CYTH3: variants seen among roughly 807,000 people sequenced by gnomAD.
CYTH3 encodes cytohesin 3.
Under a neutral mutation model 55.1 loss-of-function variants are expected in CYTH3, and 23 were observed. That is an observed-to-expected ratio of 0.42 (90% CI 0.30 to 0.59). The LOEUF (loss-of-function observed/expected upper bound fraction) is 0.59. CYTH3 is among the 20% of genes least tolerant of loss of function. CYTH3 has a pLI of 0.20. For missense variants in CYTH3, 413 were observed against 524.8 expected, an observed-to-expected ratio of 0.79 and a Z score of 2.08; for synonymous variants, 249 against 194.9, an observed-to-expected ratio of 1.28 and a Z score of -2.31.
rs1783048317 is a variant in CYTH3 at position 6,167,515 on chromosome 7, T to TGGTGCCA, written c.824-1712_824-1706dup. ...AGAGCAGGCCCCGCTCCAGCTGCAC[T>TGGTGCCA]GGTGCCAGCTGCCATCCCCCAAACA... is the stretch of plus-strand genomic sequence containing the variant. On this transcript the variant is annotated intron_variant, in intron 9 of 12. Transcript: ENST00000350796. This position sits in a 1 kb window ranked among gnomAD's most constrained non-coding sequence, Gnocchi z 5.5. Among the ~76,000 whole-genome samples, 2 of 152,260 alleles carry TGGTGCCA rather than the reference T, an allele frequency of 1.3e-5. No individual in the cohort carries two copies. The highest frequency in any genetic ancestry group is 4.8e-5 in the African/African-American group (2 of 41,480).
chr7:6,236,768 G>C (rs1362118846), intron 1 of CYTH3, among the ~76,000 whole-genome samples: 1 of 151,970 alleles, frequency 6.6e-6, no homozygotes, highest in Non-Finnish European at 1.5e-5. Flanking sequence ...TCACCATGTT[G>C]GCTAGGCTGG....
At position 6,166,474 on chromosome 7, in the gene CYTH3, T is replaced by C. The variant is rs930283230; in HGVS notation, c.824-664A>G. ...AAGTGCTCCCTGGGGTACTAGGCCC[T>C]CTCTGCCCCATGCCTCTCCAGCGCT... On this transcript the variant is annotated intron_variant, in intron 9 of 12. Coordinates refer to ENST00000350796, the MANE Select transcript of CYTH3 (RefSeq NM_004227.4). 2.6e-5 allele frequency among the ~76,000 whole-genome samples: 4 copies of C among 152,186 alleles called. No homozygotes were observed. The East Asian group carries it at 7.7e-4, about 29-fold the overall frequency.
At position 6,207,952 on chromosome 7, in the gene CYTH3, G is replaced by C. The variant is rs554110100; in HGVS notation, c.35-17421C>G. On this transcript the variant is annotated intron_variant, in intron 1 of 12. Transcript: ENST00000350796. ...GTGACAGAGCCAGACCCTGTCTTGG[G>C]GGGGTGGGGGGAAAGGTGTTAGAAG... Among the ~76,000 whole-genome samples the C allele has an allele frequency of 4.6e-5, 7 of 152,162 alleles. No individual in the cohort carries two copies. The South Asian group carries it at 6.2e-4, about 14-fold the overall frequency.
rs1034039429 is a variant in CYTH3, at chr7:6,164,066, A to T, written c.*878T>A. ...CCAAACCATTAACTGTTATAATTTT[A>T]ATGATTTGCTTAAAGTATTTGTGGG... On this transcript the variant is annotated 3_prime_UTR_variant, in exon 13 of 13. Transcript: ENST00000350796. The T allele has an allele frequency of 1.3e-5, 2 of 152,210 alleles. No individual in the cohort carries two copies. Among genetic ancestry groups the T allele is most frequent in the African/African-American group, 4.8e-5 (2 of 41,452 alleles). The allele number at this position is 152,210 out of a possible 1,614,324, so 9.4% of individuals were successfully genotyped here.
At chr7:6,196,724 G>T (rs1783942700) in intron 1 of CYTH3, among the ~76,000 whole-genome samples, 1 of 152,116 alleles carries the variant, frequency 6.6e-6, no homozygotes, top group African/African-American at 2.4e-5. Flanking sequence ...GCCTCTCAAA[G>T]TGCTGGGATT....
At chr7:6,191,597 T>C (rs1783806307) in intron 1 of CYTH3, among the ~76,000 whole-genome samples, 1 of 148,146 alleles carries the variant, frequency 6.8e-6, no homozygotes, top group Admixed American at 6.7e-5. Context: ...AGGACTTTTT[T>C]TTTTTTTTTT....
chr7:6,164,623 G>C lies in CYTH3; in HGVS notation c.*321C>G. 1 of 386,224 alleles carries C rather than the reference G, an allele frequency of 2.6e-6. No individual in the cohort carries two copies. 23.9% of individuals were successfully genotyped at this position (386,224 alleles called of 1,614,324 possible). On this transcript the variant is annotated 3_prime_UTR_variant, in exon 13 of 13. Coordinates refer to ENST00000350796, the MANE Select transcript of CYTH3 (RefSeq NM_004227.4). Reference sequence around the variant, plus strand: ...CTGCTGTCCTGGCTTCTCCCCCTAGGGGCGCCGGGATGGTCGCAGGAAGGA... The same window carrying C: ...CTGCTGTCCTGGCTTCTCCCCCTAGCGGCGCCGGGATGGTCGCAGGAAGGA...
Position 6,259,828 on chromosome 7 carries a change from ATATATTTTT to A in CYTH3, c.34+12637_34+12645del, listed in dbSNP as rs1210243997. On this transcript the variant is annotated intron_variant, in intron 1 of 12. Coordinates refer to ENST00000350796, the MANE Select transcript of CYTH3 (RefSeq NM_004227.4). ...ATATATATATAATATATATATATAT[ATATATTTTT>A]TTTTTTTTTTAAGACGGATTTTCGC... is the stretch of plus-strand genomic sequence containing the variant. 3.5e-4 allele frequency among the ~76,000 whole-genome samples: 8 copies of A among 22,890 alleles called. 1 individual carries two copies. Among genetic ancestry groups the A allele is most frequent in the African/African-American group, 2.3e-3 (7 of 3,094 alleles). 15.0% of individuals were successfully genotyped at this position (22,890 alleles called of 152,430 possible).
intron 4 of CYTH3, among the ~76,000 whole-genome samples, chr7:6,185,513 A>G (rs527610402): frequency 4.5e-4 from 68 of 152,136 alleles, no homozygotes; most frequent in Admixed American, 1.7e-3. Context: ...TAGCTAACAC[A>G]GTGAAACCCC....
chr7:6,175,056 T>C (rs1783308673), intron 5 of CYTH3, among the ~76,000 whole-genome samples: 1 of 152,240 alleles, frequency 6.6e-6, no homozygotes, highest in Non-Finnish European at 1.5e-5. Flanking sequence ...GTATGATAAC[T>C]GGTCCTTATA....
intron 1 of CYTH3, 54 bp downstream of exon 1, chr7:6,272,420 C>A: frequency 1.3e-6 from 1 of 765,782 alleles, no homozygotes. Context: ...GACCCCCAGC[C>A]CCCGGCCCCC....
chr7:6,169,840 C>A lies in CYTH3; in HGVS notation c.823+695G>T, dbSNP rs1010346571. Reference sequence around the variant, plus strand: ...CTACTGCTGCGGACCCCTAGAGACACAGGGTGGGGGGCAAGTTGGTTCCCA... The same window carrying A: ...CTACTGCTGCGGACCCCTAGAGACAAAGGGTGGGGGGCAAGTTGGTTCCCA... On this transcript the variant is annotated intron_variant, in intron 9 of 12. Coordinates refer to ENST00000350796, the MANE Select transcript of CYTH3 (RefSeq NM_004227.4). This position sits in a 1 kb window ranked among gnomAD's most constrained non-coding sequence, Gnocchi z 4.1. Among the ~76,000 whole-genome samples, 1 of 152,138 alleles carries A rather than the reference C, an allele frequency of 6.6e-6. No homozygotes were observed. The highest frequency in any genetic ancestry group is 2.4e-5 in the African/African-American group (1 of 41,414).
In CYTH3 at chr7:6,171,173, A is replaced by AG; in HGVS notation, c.562+28dup. On this transcript the variant is annotated intron_variant, in intron 7 of 12. Coordinates refer to ENST00000350796, the MANE Select transcript of CYTH3 (RefSeq NM_004227.4). The surrounding 1 kb of genome is among the most constrained non-coding windows in gnomAD (Gnocchi z 6.7). The stretch of plus-strand genomic sequence containing the variant: ...CCAGAGCTGGAGGCTGTGCCTGGCA[A>AG]GGGGCCAGGCTGTGGGCTCTGCACT... 1 of 1,608,448 alleles carries AG rather than the reference A, an allele frequency of 6.2e-7. No individual in the cohort carries two copies.
chr7:6,244,653 G>T (rs750979781), intron 1 of CYTH3, among the ~76,000 whole-genome samples: 1 of 151,696 alleles, frequency 6.6e-6, no homozygotes, highest in Non-Finnish European at 1.5e-5. Flanking sequence ...TAAAGATGGG[G>T]TCTCACTACA....
intron 1 of CYTH3, among the ~76,000 whole-genome samples, chr7:6,209,310 C>T (rs1455137148): frequency 6.6e-6 from 1 of 152,094 alleles, no homozygotes; most frequent in Non-Finnish European, 1.5e-5. Context: ...CAAAACAAAT[C>T]AAAACAAAAA....
chr7:6,181,214 A>G (rs1245589408), intron 4 of CYTH3, among the ~76,000 whole-genome samples: 1 of 152,174 alleles, frequency 6.6e-6, no homozygotes, highest in Non-Finnish European at 1.5e-5. Flanking sequence ...TTTAAACAAT[A>G]AATTTCTCAC....
rs889287098 is a variant in CYTH3 at position 6,199,553 on chromosome 7, A to C, written c.35-9022T>G. 2.6e-5 allele frequency among the ~76,000 whole-genome samples: 4 copies of C among 152,252 alleles called. 1 individual carries two copies. The East Asian group carries it at 7.7e-4, about 29-fold the overall frequency. On this transcript the variant is annotated intron_variant, in intron 1 of 12. Coordinates refer to ENST00000350796, the MANE Select transcript of CYTH3 (RefSeq NM_004227.4). The stretch of plus-strand genomic sequence containing the variant: ...TACACCCTGCAAAATCTCTTTCAAA[A>C]ATAAAGATGAAACAAAGACATTTTC...
intron 1 of CYTH3, among the ~76,000 whole-genome samples, chr7:6,270,023 T>C (rs1399030452): frequency 6.6e-6 from 1 of 152,234 alleles, no homozygotes; most frequent in Non-Finnish European, 1.5e-5. Context: ...AAAAATGTTA[T>C]GCTTTATAAT....
chr7:6,254,980 C>A (rs186189191), intron 1 of CYTH3, among the ~76,000 whole-genome samples: 16 of 152,278 alleles, frequency 1.1e-4, no homozygotes, highest in African/African-American at 3.9e-4. Flanking sequence ...TATTCCTCAG[C>A]CCAAATAAAA....
Sources: gnomAD v4.1 joint callset for allele counts (sites outside exome capture counted in the v4.1 genomes callset) on GRCh38, gnomAD v4.1.1 for gene constraint, Gnocchi (gnomAD v3.1) non-coding constraint, MANE v1.5 for transcripts, NCBI Gene and HGNC (gene_info 2026-07-23, HGNC 2026-07-21) for gene names.